NELL1: variants seen among roughly 807,000 people sequenced by gnomAD.
NELL1 encodes the protein neural EGFL like 1, also known as protein kinase C-binding protein NELL1.
Under a neutral mutation model 107.4 loss-of-function variants are expected in NELL1, and 76 were observed. The ratio of observed to expected loss-of-function variants is 0.71; its 90% CI spans 0.59 to 0.86. The LOEUF (loss-of-function observed/expected upper bound fraction) is 0.86. NELL1 is among the 40% of genes least tolerant of loss of function. The probability of loss-of-function intolerance (pLI) is 0.00; values close to 1 mark genes in which losing one functional copy is unlikely to be tolerated. For synonymous variants in NELL1, 353 were observed against 341.2 expected (o/e 1.03, Z -0.38); for missense variants, 1,024 against 1,005.5 (o/e 1.02, Z -0.25).
intron 2 of NELL1, among the ~76,000 whole-genome samples, chr11:20,754,301 C>T (rs1218183000): frequency 2.0e-5 from 3 of 152,128 alleles, no homozygotes; most frequent in Admixed American, 6.5e-5. Flanking sequence ...TAAATGTGAG[C>T]GTGTTGATAA....
At chr11:21,058,065 C>T (rs1466816369) in intron 12 of NELL1, among the ~76,000 whole-genome samples, 2 of 151,892 alleles carry the variant, frequency 1.3e-5, no homozygotes, top group African/African-American at 4.8e-5. Flanking sequence ...TCACTGTGTA[C>T]AAGGCTAAGG....
intron 12 of NELL1, among the ~76,000 whole-genome samples, chr11:21,063,122 AC>A (rs1386743675): frequency 6.6e-6 from 1 of 152,128 alleles, no homozygotes; most frequent in Non-Finnish European, 1.5e-5. Context: ...TGCTAGGATT[AC>A]AAATGTGAGC....
chr11:21,166,312 G>A (rs141006831), intron 13 of NELL1, among the ~76,000 whole-genome samples: 2,215 of 151,744 alleles, frequency 0.015, 96 homozygotes, highest in African/African-American at 0.05. Context: ...GAATAAATAA[G>A]ATGTAGTATT....
At chr11:21,057,725 T>G (rs1311473987) in intron 12 of NELL1, among the ~76,000 whole-genome samples, 1 of 151,924 alleles carries the variant, frequency 6.6e-6, no homozygotes, top group Non-Finnish European at 1.5e-5. Flanking sequence ...TTTAAAAAAT[T>G]ATACCAGTAC....
intron 14 of NELL1, among the ~76,000 whole-genome samples, chr11:21,328,447 A>T (rs1375932682): frequency 1.3e-5 from 2 of 152,122 alleles, no homozygotes; most frequent in Non-Finnish European, 2.9e-5. Flanking sequence ...GTCCAGGCAG[A>T]AGTATGCTGT....
chr11:20,945,925 T>G (rs1287364811), intron 10 of NELL1, among the ~76,000 whole-genome samples: 1 of 152,238 alleles, frequency 6.6e-6, no homozygotes, highest in Non-Finnish European at 1.5e-5. Context: ...AAGAGTTACC[T>G]TGGGAAAGAT....
chr11:21,362,774 C>T (rs977217647), intron 14 of NELL1, among the ~76,000 whole-genome samples: 1 of 151,530 alleles, frequency 6.6e-6, no homozygotes, highest in African/African-American at 2.4e-5. Flanking sequence ...GTTAGGCTAC[C>T]AGGGTGGGTA....
At chr11:21,162,479 C>T (rs1472849883) in intron 13 of NELL1, among the ~76,000 whole-genome samples, 1 of 152,104 alleles carries the variant, frequency 6.6e-6, no homozygotes, top group Non-Finnish European at 1.5e-5. Context: ...ATGGATTTTA[C>T]TGGTCAGTTT....
intron 12 of NELL1, among the ~76,000 whole-genome samples, chr11:21,109,686 A>G (rs1855059364): frequency 6.6e-6 from 1 of 152,112 alleles, no homozygotes; most frequent in Non-Finnish European, 1.5e-5. Context: ...GTAATTATTC[A>G]ATACCCTTCA....
At chr11:20,739,110 G>A (rs751767945) in intron 2 of NELL1, among the ~76,000 whole-genome samples, 6 of 152,246 alleles carry the variant, frequency 3.9e-5, no homozygotes, top group Non-Finnish European at 7.3e-5. Flanking sequence ...TAATCATGCT[G>A]TATTGGCTAC....
chr11:21,071,365 A>T (rs1000496570), intron 12 of NELL1, among the ~76,000 whole-genome samples: 1 of 152,242 alleles, frequency 6.6e-6, no homozygotes, highest in African/African-American at 2.4e-5. Flanking sequence ...CATCTTAAGC[A>T]GTTGGCAACA....
intron 16 of NELL1, among the ~76,000 whole-genome samples, chr11:21,550,349 G>A (rs4447172): frequency 0.89 from 134,918 of 151,816 alleles, 60,288 homozygotes; most frequent in Non-Finnish European, 0.94. Flanking sequence ...TTTTAATTAG[G>A]TCCCGTTTGT....
intron 2 of NELL1, among the ~76,000 whole-genome samples, chr11:20,765,042 C>T (rs1269899551): frequency 6.6e-6 from 1 of 152,034 alleles, no homozygotes; most frequent in Non-Finnish European, 1.5e-5. Context: ...ACCATAGTCC[C>T]AGCTACTTCG....
intron 12 of NELL1, among the ~76,000 whole-genome samples, chr11:20,978,005 C>G (rs769925905): frequency 6.6e-5 from 10 of 152,188 alleles, no homozygotes; most frequent in Non-Finnish European, 1.5e-4. Context: ...AGCTCTGATT[C>G]TGCAATGCTA....
chr11:20,687,128 C>T (rs1260385739), intron 2 of NELL1, among the ~76,000 whole-genome samples: 3 of 147,812 alleles, frequency 2.0e-5, no homozygotes, highest in Non-Finnish European at 3.0e-5. Flanking sequence ...GATCTGGTCT[C>T]TTGGGGACTA....
intron 13 of NELL1, among the ~76,000 whole-genome samples, chr11:21,219,421 T>C (rs878963685): frequency 6.6e-6 from 1 of 152,180 alleles, no homozygotes; most frequent in Admixed American, 6.5e-5. Flanking sequence ...TATTGCCCCA[T>C]TTCGTAGGTT....
At chr11:21,130,439 A>G (rs1855589447) in intron 13 of NELL1, among the ~76,000 whole-genome samples, 1 of 152,172 alleles carries the variant, frequency 6.6e-6, no homozygotes, top group Non-Finnish European at 1.5e-5. Context: ...TAGAAGAGGA[A>G]CAGAGTTTTG....
intron 12 of NELL1, among the ~76,000 whole-genome samples, chr11:20,974,875 A>G (rs556514708): frequency 3.9e-4 from 60 of 152,280 alleles, no homozygotes; most frequent in South Asian, 1.2e-3. Flanking sequence ...ACTTTCTACA[A>G]CCTGATGCCT....
At chr11:20,718,366 A>G (rs182829931) in intron 2 of NELL1, among the ~76,000 whole-genome samples, 198 of 152,254 alleles carry the variant, frequency 1.3e-3, no homozygotes, top group African/African-American at 4.0e-3. Context: ...GAAAAACAGT[A>G]TCAGAATTTT....
Sources: allele counts gnomAD v4.1 joint callset (sites outside exome capture counted in the v4.1 genomes callset), GRCh38; gene constraint gnomAD v4.1.1; transcripts MANE v1.5; gene names NCBI Gene and HGNC (gene_info 2026-07-23, HGNC 2026-07-21).